The following RTN4 variants were observed in gnomAD, a reference collection of about 807,000 sequenced individuals.
RTN4 encodes reticulon-4.
Under a neutral mutation model 90.4 loss-of-function variants are expected in RTN4, and 32 were observed. That is an observed-to-expected ratio of 0.35 (90% CI 0.27 to 0.48). The LOEUF is 0.48. Ranked by LOEUF, RTN4 falls within the 20% of genes least tolerant of loss-of-function variation. The pLI, the probability that RTN4 is intolerant of heterozygous loss-of-function variation, is 0.99. For synonymous variants in RTN4, 629 were observed against 552.5 expected (o/e 1.14, Z -1.94); for missense variants, 1,706 against 1,430.2 (o/e 1.19, Z -3.11).
intron 2 of RTN4, among the ~76,000 whole-genome samples, chr2:55,058,766 A>G (rs1412798373): frequency 6.6e-6 from 1 of 152,248 alleles, no homozygotes; most frequent in Non-Finnish European, 1.5e-5. Context: ...TCTACAGTCA[A>G]GATTTATTTC....
rs10610251 is a variant in RTN4, at chr2:54,972,902, C to CAGAT, written c.*250_*253dup. The CAGAT allele has an allele frequency of 2.6e-3, 933 of 354,768 alleles. 11 individuals carry two copies. The highest frequency in any genetic ancestry group is 0.017 in the African/African-American group (812 of 47,258). 22.0% of individuals were successfully genotyped at this position (354,768 alleles called of 1,614,324 possible). A position where few individuals can be genotyped will look rare whatever the true frequency, so the allele number is the denominator to read the frequency against. On this transcript the variant is annotated 3_prime_UTR_variant, in exon 9 of 9. Coordinates refer to ENST00000337526, the MANE Select transcript of RTN4 (RefSeq NM_020532.5). Reference sequence around the variant, plus strand: ...CAGGTTTTTTATTCCACCAGTGCCTCAGATAGATAGGAAAAAGATATGATT... The same window carrying CAGAT: ...CAGGTTTTTTATTCCACCAGTGCCTCAGATAGATAGATAGGAAAAAGATATGATT...
At chr2:55,019,066 C>G (rs79669661) in intron 3 of RTN4, among the ~76,000 whole-genome samples, 12,276 of 152,106 alleles carry the variant, frequency 0.081, 1,574 homozygotes, top group African/African-American at 0.27. Flanking sequence ...CTGAGCCTAC[C>G]TGAAGGAACC....
rs574505958 is a variant in RTN4, at chr2:55,030,981, C to A, written c.557-2761G>T. The stretch of plus-strand genomic sequence containing the variant: ...TGGGACAGGTACTGTGCTGAGCCGG[C>A]ACATTTGTTTCAGATGTTCATTCTG... On this transcript the variant is annotated intron_variant, in intron 1 of 8. Transcript: ENST00000337526. 2.0e-4 allele frequency among the ~76,000 whole-genome samples: 30 copies of A among 152,262 alleles called. No homozygotes were observed. The East Asian group carries it at 3.7e-3, about 19-fold the overall frequency.
chr2:54,974,670 C>T, intron 6 of RTN4, 25 bp downstream of exon 6: 1 of 1,564,206 alleles, frequency 6.4e-7, no homozygotes. Context: ...AGCAATTTTT[C>T]ATCCCAATGG....
intron 1 of RTN4, among the ~76,000 whole-genome samples, chr2:55,090,878 C>A (rs534481636): frequency 2.0e-5 from 3 of 152,206 alleles, no homozygotes; most frequent in Non-Finnish European, 4.4e-5. Context: ...CCCAAATCTA[C>A]GAGTCATCCT....
rs529262905 is a variant in RTN4 at position 55,074,617 on chromosome 2, T to A, written c.-63+5872A>T. Among the ~76,000 whole-genome samples, 11 of 149,088 alleles carry A rather than the reference T, an allele frequency of 7.4e-5. No individual in the cohort carries two copies. In the South Asian group the frequency reaches 2.3e-3, roughly 32 times the overall value. On this transcript the variant is annotated intron_variant, in intron 2 of 3. Coordinates refer to the RTN4 transcript ENST00000427710. The stretch of plus-strand genomic sequence containing the variant: ...CCCTAATATCAAAATGAAGAAAGGA[T>A]ATAACAAAGAAAGAAAACTGCAGAC...
At chr2:55,129,762 C>T in the RTN4 span, among the ~76,000 whole-genome samples, 23 of 152,104 alleles carry the variant, frequency 1.5e-4, no homozygotes, top group Admixed American at 1.0e-3. Flanking sequence ...AGGGTTTCAC[C>T]GTGTTAGCTA....
intron 3 of RTN4, among the ~76,000 whole-genome samples, chr2:55,023,801 C>A (rs921224029): frequency 5.3e-5 from 8 of 152,158 alleles, no homozygotes; most frequent in Non-Finnish European, 2.9e-5. Flanking sequence ...GCACACCACA[C>A]CATTTGCCGC....
the RTN4 span, among the ~76,000 whole-genome samples, chr2:55,121,432 C>T: frequency 6.6e-6 from 1 of 152,210 alleles, no homozygotes; most frequent in Non-Finnish European, 1.5e-5. Flanking sequence ...GAGACGTCAG[C>T]CCAAGACCAT....
chr2:54,977,530 A>G (rs547454453), intron 5 of RTN4, among the ~76,000 whole-genome samples: 1 of 152,168 alleles, frequency 6.6e-6, no homozygotes, highest in Non-Finnish European at 1.5e-5. Context: ...TCCCTAAAAA[A>G]GTAAAATTAT....
chr2:55,124,030 AG>A, the RTN4 span, among the ~76,000 whole-genome samples: 1 of 152,186 alleles, frequency 6.6e-6, no homozygotes, highest in Non-Finnish European at 1.5e-5. Flanking sequence ...AGCTGAGCAA[AG>A]GCAAAATAAT....
At chr2:55,114,301 T>A (rs180939723), upstream of RTN4, among the ~76,000 whole-genome samples, 162 of 152,300 alleles carry the variant, frequency 1.1e-3, 2 homozygotes, top group Admixed American at 2.4e-3. Flanking sequence ...CACTTTGCAG[T>A]TTGAAATGTG....
intron 2 of RTN4, chr2:55,080,406 G>A (rs1221228514): frequency 1.3e-5 from 2 of 151,890 alleles, no homozygotes; most frequent in East Asian, 1.9e-4. Context: ...TGGCAGTCTT[G>A]AGCAAAATTT....
At chr2:55,067,531 G>A (rs1289209948) in intron 2 of RTN4, among the ~76,000 whole-genome samples, 1 of 151,734 alleles carries the variant, frequency 6.6e-6, no homozygotes, top group Admixed American at 6.6e-5. Context: ...TTGTGCCTCA[G>A]CCTCCCAAGT....
Position 55,025,748 on chromosome 2 carries a change from T to C in RTN4, c.2351A>G (p.Asn784Ser), listed in dbSNP as rs149032297. ...TSFESMIEYE[N>S]KEKLSALPPE... ...TGGCAAAGCACTGAGTTTTTCCTTA[T>C]TTTCATATTCTATCATTGACTCAAA... is the stretch of plus-strand genomic sequence containing the variant. Residue 784 changes from asparagine to serine, a missense_variant, in exon 3 of 9, where the codon AAT becomes AGT. Physicochemically the swap from Asn to Ser is conservative, Grantham distance 46. Coordinates refer to ENST00000337526, the MANE Select transcript of RTN4 (RefSeq NM_020532.5). 1.1e-4 allele frequency: 183 copies of C among 1,613,586 alleles called. 1 individual carries two copies. In the African/African-American group the frequency reaches 1.3e-3, roughly 11 times the overall value.
At chr2:54,981,213 G>T (rs373970403) in intron 5 of RTN4, among the ~76,000 whole-genome samples, 38 of 151,442 alleles carry the variant, frequency 2.5e-4, no homozygotes, top group African/African-American at 9.0e-4. Context: ...GCTCATACCT[G>T]TAAGCCCAGA....
chr2:54,996,760 T>G (rs1679458851), intron 3 of RTN4, among the ~76,000 whole-genome samples: 1 of 152,192 alleles, frequency 6.6e-6, no homozygotes, highest in Admixed American at 6.5e-5. Flanking sequence ...CTTATCTTTT[T>G]GTTGTTGTTA....
intron 2 of RTN4, among the ~76,000 whole-genome samples, chr2:55,079,143 C>A (rs1245486435): frequency 6.6e-6 from 1 of 152,118 alleles, no homozygotes. Context: ...ACTGATTGAT[C>A]TATAAGGCAA....
At chr2:55,100,028 A>G (rs1036168705) in intron 1 of RTN4, among the ~76,000 whole-genome samples, 9 of 152,142 alleles carry the variant, frequency 5.9e-5, no homozygotes, top group African/African-American at 2.2e-4. Context: ...AACTAGTCTA[A>G]GTTACATCTG....
Sources: gnomAD v4.1 joint callset for allele counts (sites outside exome capture counted in the v4.1 genomes callset) on GRCh38, gnomAD v4.1.1 for gene constraint, MANE v1.5 for transcripts, NCBI Gene and HGNC (gene_info 2026-07-23, HGNC 2026-07-21) for gene names.